TRERF1: variants seen among roughly 807,000 people sequenced by gnomAD.
TRERF1 encodes transcriptional regulating factor 1.
Under a neutral mutation model 122.9 loss-of-function variants are expected in TRERF1, and 27 were observed. The observed-to-expected ratio is 0.22, with a 90% confidence interval of 0.16 to 0.30. The LOEUF (loss-of-function observed/expected upper bound fraction) is 0.30. Ranked by LOEUF, TRERF1 falls within the 10% of genes least tolerant of loss-of-function variation. The pLI is 1.00. For synonymous variants in TRERF1, 636 were observed against 641.7 expected, an observed-to-expected ratio of 0.99 and a Z score of 0.13; for missense variants, 1,248 against 1,560.3, an observed-to-expected ratio of 0.80 and a Z score of 3.37.
chr6:42,452,137 CTTTTTTTT>C (rs879092101), upstream of TRERF1: 21 of 138,714 alleles, frequency 1.5e-4, no homozygotes, highest in African/African-American at 5.3e-4. Context: ...TCCTCTCGGC[CTTTTTTTT>C]TTTTTTAAAT....
chr6:42,316,229 CGCA>C (rs1762481982), intron 3 of TRERF1, among the ~76,000 whole-genome samples: 1 of 152,176 alleles, frequency 6.6e-6, no homozygotes, highest in South Asian at 2.1e-4. Context: ...TCCTCCTCCC[CGCA>C]TTGCTAATCT....
At chr6:42,376,094 T>G (rs1454997404) in intron 2 of TRERF1, among the ~76,000 whole-genome samples, 1 of 151,862 alleles carries the variant, frequency 6.6e-6, no homozygotes, top group Admixed American at 6.6e-5. Context: ...ACCACCAAGC[T>G]CCCCAGATGT....
At chr6:42,430,314 TCAAA>T (rs376399694) in intron 2 of TRERF1, among the ~76,000 whole-genome samples, 276 of 152,206 alleles carry the variant, frequency 1.8e-3, no homozygotes, top group African/African-American at 6.1e-3. Flanking sequence ...AGTTATAAAC[TCAAA>T]CAATCTTAAG....
At chr6:42,233,745 T>C (rs73733122) in intron 16 of TRERF1, among the ~76,000 whole-genome samples, 12,046 of 152,152 alleles carry the variant, frequency 0.079, 1,583 homozygotes, top group African/African-American at 0.27. Context: ...ATGGAGACAG[T>C]GCCCCAGAAT....
At chr6:42,422,068 G>A (rs1056854620) in intron 2 of TRERF1, among the ~76,000 whole-genome samples, 14 of 151,984 alleles carry the variant, frequency 9.2e-5, no homozygotes, top group Admixed American at 2.6e-4. Flanking sequence ...CTATGTGGGA[G>A]GCTGAGGCAG....
chr6:42,429,529 T>C (rs949920784), intron 2 of TRERF1, among the ~76,000 whole-genome samples: 2 of 152,114 alleles, frequency 1.3e-5, no homozygotes, highest in African/African-American at 4.8e-5. Flanking sequence ...ATAACAGTCT[T>C]AAATGAACTG....
At chr6:42,307,015 GC>G (rs1451462684) in intron 3 of TRERF1, among the ~76,000 whole-genome samples, 1 of 152,190 alleles carries the variant, frequency 6.6e-6, no homozygotes, top group Non-Finnish European at 1.5e-5. Context: ...TTAAACAAGA[GC>G]GTGTAAAGCT....
chr6:42,246,882 C>A (rs1310433184), intron 13 of TRERF1, among the ~76,000 whole-genome samples: 1 of 152,188 alleles, frequency 6.6e-6, no homozygotes, highest in Non-Finnish European at 1.5e-5. Context: ...CGCTGGGAAA[C>A]AGTGAGCATT....
At chr6:42,426,323 A>T (rs568007393) in intron 2 of TRERF1, among the ~76,000 whole-genome samples, 2 of 152,362 alleles carry the variant, frequency 1.3e-5, no homozygotes, top group African/African-American at 2.4e-5. Context: ...AAACTCTGTG[A>T]AGTGAAAAGA....
intron 3 of TRERF1, among the ~76,000 whole-genome samples, chr6:42,320,441 C>T (rs527415762): frequency 6.6e-6 from 1 of 151,874 alleles, no homozygotes; most frequent in South Asian, 2.1e-4. Flanking sequence ...AAGACGAATA[C>T]GTTAACTGTA....
chr6:42,359,912 A>C (rs1771391291), intron 3 of TRERF1, among the ~76,000 whole-genome samples: 1 of 152,160 alleles, frequency 6.6e-6, no homozygotes, highest in African/African-American at 2.4e-5. Context: ...CCTTAAACTT[A>C]TCTGTATTTA....
At chr6:42,233,480 T>C (rs1771205614) in intron 16 of TRERF1, among the ~76,000 whole-genome samples, 1 of 151,722 alleles carries the variant, frequency 6.6e-6, no homozygotes, top group Non-Finnish European at 1.5e-5. Context: ...AGAGACAGGG[T>C]TTCACCGTGT....
chr6:42,354,020 G>C (rs1413795378), intron 3 of TRERF1, among the ~76,000 whole-genome samples: 1 of 152,162 alleles, frequency 6.6e-6, no homozygotes, highest in East Asian at 1.9e-4. Flanking sequence ...AAAGTAGCTA[G>C]AATATATGTA....
intron 3 of TRERF1, among the ~76,000 whole-genome samples, chr6:42,322,418 G>A (rs571926631): frequency 3.7e-4 from 56 of 152,138 alleles, no homozygotes; most frequent in African/African-American, 1.2e-3. Flanking sequence ...GGAAGGGAAG[G>A]GGCCAGGAGA....
intron 3 of TRERF1, among the ~76,000 whole-genome samples, chr6:42,306,100 C>G (rs973770783): frequency 7.0e-6 from 1 of 142,784 alleles, no homozygotes; most frequent in Non-Finnish European, 1.5e-5. Flanking sequence ...CTCCCAGGTT[C>G]AAGCAATTCT....
chr6:42,272,052 A>G (rs1255545844), intron 4 of TRERF1, among the ~76,000 whole-genome samples: 1 of 152,232 alleles, frequency 6.6e-6, no homozygotes. Context: ...TAAAACAGTG[A>G]TGTAATAGTT....
Position 42,344,613 on chromosome 6 carries a change from C to T in TRERF1, c.-371+18384G>A, listed in dbSNP as rs1322318254. On this transcript the variant is annotated intron_variant, in intron 3 of 17. Transcript: ENST00000372922. ...TCTTTTCTACCACAAGGCATCTGGG[C>T]GGTTCCTGCCCAGTGCTACTAAGAC... Among the ~76,000 whole-genome samples the T allele has an allele frequency of 3.3e-5, 5 of 152,172 alleles. No homozygotes were observed. The South Asian group carries it at 6.2e-4, about 19-fold the overall frequency.
intron 2 of TRERF1, among the ~76,000 whole-genome samples, chr6:42,440,240 G>T (rs529164328): frequency 1.4e-3 from 207 of 152,246 alleles, no homozygotes; most frequent in Non-Finnish European, 2.0e-3. Context: ...TTTTGCTGAG[G>T]TTCTTAGAGT....
rs140641780 is a variant in TRERF1 at position 42,374,624 on chromosome 6, C to T, written c.-453-11545G>A. ...ACAGAGCAAGACCTACATCCACCTACCAGATAGATGGGGCTGAGAGGACAG... is the reference window on the plus strand; with the variant it reads ...ACAGAGCAAGACCTACATCCACCTATCAGATAGATGGGGCTGAGAGGACAG... On this transcript the variant is annotated intron_variant, in intron 2 of 17. Transcript: ENST00000372922. Among the ~76,000 whole-genome samples, 516 of 152,302 alleles carry T rather than the reference C, an allele frequency of 3.4e-3. 3 individuals carry two copies. Among genetic ancestry groups the T allele is most frequent in the Middle Eastern group, 0.01 (3 of 294 alleles).
Sources: allele counts gnomAD v4.1 joint callset (sites outside exome capture counted in the v4.1 genomes callset), GRCh38; gene constraint gnomAD v4.1.1; transcripts MANE v1.5; gene names NCBI Gene and HGNC (gene_info 2026-07-23, HGNC 2026-07-21).